Variants in PTPRJ observed in about 807,000 individuals in gnomAD.
PTPRJ encodes protein tyrosine phosphatase receptor type J, also known as receptor-type tyrosine-protein phosphatase eta.
PTPRJ carries 129 observed loss-of-function variants against 141.3 expected under a neutral mutation model. That is an observed-to-expected ratio of 0.91 (90% CI 0.79 to 1.06). The LOEUF is 1.06. PTPRJ is among the 50% of genes least tolerant of loss of function. The pLI, the probability that PTPRJ is intolerant of heterozygous loss-of-function variation, is 0.00. For synonymous variants in PTPRJ, 610 were observed against 640.5 expected (o/e 0.95, Z 0.72); for missense variants, 1,601 against 1,679.7 (o/e 0.95, Z 0.82).
intron 1 of PTPRJ, among the ~76,000 whole-genome samples, chr11:48,057,731 C>T (rs1456725964): frequency 1.3e-5 from 2 of 152,086 alleles, no homozygotes; most frequent in Admixed American, 6.6e-5. Context: ...GGAAGCCAGA[C>T]GTAGGGAAGA....
Position 47,984,565 on chromosome 11 carries a change from GT to G in PTPRJ, c.96+3568del, listed in dbSNP as rs397848968. On this transcript the variant is annotated intron_variant, in intron 1 of 24. Coordinates refer to ENST00000418331, the MANE Select transcript of PTPRJ (RefSeq NM_002843.4). ...AGGTGCTGTTCTTGTTTATTTGTTTGTTTTTTTTTTTGATAGGGAGTCCCAC... is the reference window on the plus strand; with the variant it reads ...AGGTGCTGTTCTTGTTTATTTGTTTGTTTTTTTTTTGATAGGGAGTCCCAC... Among the ~76,000 whole-genome samples the G allele has an allele frequency of 9.0e-4, 132 of 146,468 alleles. 1 individual carries two copies. The highest frequency in any genetic ancestry group is 2.8e-3 in the African/African-American group (114 of 40,314).
chr11:47,980,908 G>C lies in PTPRJ; in HGVS notation c.-5G>C. 2 of 1,160,378 alleles carry C rather than the reference G, an allele frequency of 1.7e-6. No individual in the cohort carries two copies. The highest frequency in any genetic ancestry group is 2.1e-6 in the Non-Finnish European group (2 of 942,844). 71.9% of individuals were successfully genotyped at this position (1,160,378 alleles called of 1,614,324 possible). On this transcript the variant is annotated 5_prime_UTR_variant, in exon 1 of 25. Transcript: ENST00000418331. ...GTCCGGGGCACGTTCCAGGGCGCGC[G>C]GGGCATGAAGCCGGCGGCGCGGGAG...
At chr11:48,120,610 T>C (rs1396156618) in intron 3 of PTPRJ, among the ~76,000 whole-genome samples, 3 of 152,066 alleles carry the variant, frequency 2.0e-5, no homozygotes, top group Non-Finnish European at 4.4e-5. Flanking sequence ...TTGTTTTTTT[T>C]GTTTTTTTAG....
rs545310597 is a variant in PTPRJ at position 48,032,186 on chromosome 11, G to T, written c.96+51178G>T. On this transcript the variant is annotated intron_variant, in intron 1 of 24. Coordinates refer to ENST00000418331, the MANE Select transcript of PTPRJ (RefSeq NM_002843.4). ...GTGTGTCTTTTCCTGCCCCCTGCCA[G>T]GTTGCTTCCCCTAGCCTAGTTCCCT... Among the ~76,000 whole-genome samples the T allele has an allele frequency of 9.5e-4, 144 of 152,278 alleles. 1 individual carries two copies. Among genetic ancestry groups the T allele is most frequent in the African/African-American group, 3.4e-3 (143 of 41,528 alleles).
chr11:48,139,105 C>T (rs927705117), intron 10 of PTPRJ, among the ~76,000 whole-genome samples: 2 of 152,106 alleles, frequency 1.3e-5, no homozygotes, highest in African/African-American at 4.8e-5. Flanking sequence ...TGCACTCCAG[C>T]CTGGTCGACA....
chr11:48,093,917 C>T (rs148570275), intron 1 of PTPRJ, among the ~76,000 whole-genome samples: 1 of 152,164 alleles, frequency 6.6e-6, no homozygotes, highest in East Asian at 1.9e-4. Context: ...GTGGTGCAGA[C>T]CTTTGACAGA....
At chr11:48,137,381 G>GTCCATCAC in intron 10 of PTPRJ, 100 bp downstream of exon 10, 1 of 1,331,952 alleles carries the variant, frequency 7.5e-7, no homozygotes, top group Non-Finnish European at 1.0e-6. Context: ...TTTGTGTGAT[G>GTCCATCAC]TGCAGTGATG....
At position 48,121,270 on chromosome 11, in the gene PTPRJ, A is replaced by T. The variant is rs1249385068; in HGVS notation, c.616+4A>T. On this transcript the variant is annotated splice_donor_region_variant and intron_variant, in intron 4 of 24. Transcript: ENST00000418331. ...AGAGTCATAAAAGTCATCACAGGTA[A>T]GATGACTGGCTCCCAGGGATGATGA... The T allele has an allele frequency of 6.2e-7, 1 of 1,612,640 alleles. No individual in the cohort carries two copies.
intron 1 of PTPRJ, among the ~76,000 whole-genome samples, chr11:48,018,724 G>A (rs1162644249): frequency 6.6e-6 from 1 of 152,196 alleles, no homozygotes; most frequent in Admixed American, 6.5e-5. Context: ...TGGGGGTGCG[G>A]AATGTGGCAC....
At chr11:47,984,858 CTT>C (rs1300424461) in intron 1 of PTPRJ, among the ~76,000 whole-genome samples, 13 of 138,194 alleles carry the variant, frequency 9.4e-5, no homozygotes, top group Non-Finnish European at 1.4e-4. Context: ...TGTGCCCGGC[CTT>C]TTTTTTTTTT....
At chr11:47,987,624 T>C (rs879495296) in intron 1 of PTPRJ, among the ~76,000 whole-genome samples, 5 of 152,152 alleles carry the variant, frequency 3.3e-5, no homozygotes, top group Admixed American at 6.5e-5. Context: ...GAAGGAATGG[T>C]GATAATGAGG....
intron 8 of PTPRJ, chr11:48,131,407 A>C (rs369757210): frequency 4.3e-6 from 3 of 701,980 alleles, no homozygotes; most frequent in Non-Finnish European, 8.0e-6. Context: ...TATTTCTTTC[A>C]CAAACATTGA....
intron 1 of PTPRJ, among the ~76,000 whole-genome samples, chr11:48,048,531 G>A (rs1007258706): frequency 6.6e-6 from 1 of 152,134 alleles, no homozygotes; most frequent in Non-Finnish European, 1.5e-5. Flanking sequence ...CAGTGGCTCC[G>A]GCCTGTAATC....
chr11:48,074,492 A>T (rs1424220388), intron 1 of PTPRJ, among the ~76,000 whole-genome samples: 2 of 152,254 alleles, frequency 1.3e-5, no homozygotes, highest in African/African-American at 4.8e-5. Context: ...AACCAGCATC[A>T]TTTAGGGAGT....
chr11:48,028,714 C>G (rs1853892259), intron 1 of PTPRJ, among the ~76,000 whole-genome samples: 1 of 152,166 alleles, frequency 6.6e-6, no homozygotes, highest in Non-Finnish European at 1.5e-5. Flanking sequence ...TTGCTTGAAC[C>G]CAGGAGGCAG....
chr11:48,075,353 C>T (rs1362138691), intron 1 of PTPRJ, among the ~76,000 whole-genome samples: 1 of 151,910 alleles, frequency 6.6e-6, no homozygotes, highest in Non-Finnish European at 1.5e-5. Flanking sequence ...TCTTGAACTC[C>T]TGACCTTGTG....
At chr11:48,123,894 G>A (rs199685501) in intron 5 of PTPRJ, 24 bp downstream of exon 5, 45 of 1,605,920 alleles carry the variant, frequency 2.8e-5, no homozygotes, top group East Asian at 8.9e-5. Flanking sequence ...GGTACCTTCC[G>A]TCTCCCTTAC....
intron 3 of PTPRJ, among the ~76,000 whole-genome samples, chr11:48,117,801 A>G (rs2134334678): frequency 6.6e-6 from 1 of 151,888 alleles, no homozygotes; most frequent in Non-Finnish European, 1.5e-5. Context: ...TGTTTTTTTG[A>G]AAACAAAGAA....
chr11:48,084,263 G>A (rs1449095023), intron 1 of PTPRJ, among the ~76,000 whole-genome samples: 1 of 152,102 alleles, frequency 6.6e-6, no homozygotes, highest in Non-Finnish European at 1.5e-5. Context: ...TGCAACCTCT[G>A]CCTCCGGGTT....
Sources: allele counts gnomAD v4.1 joint callset (sites outside exome capture counted in the v4.1 genomes callset), GRCh38; gene constraint gnomAD v4.1.1; transcripts MANE v1.5; gene names NCBI Gene and HGNC (gene_info 2026-07-23, HGNC 2026-07-21).